Variants in CNBD1 observed in about 807,000 individuals in gnomAD.
The protein encoded by CNBD1 is cyclic nucleotide-binding domain-containing protein 1.
A neutral mutation model predicts 54.4 loss-of-function variants in CNBD1; 71 were observed. The ratio of observed to expected loss-of-function variants is 1.30; its 90% CI spans 1.08 to 1.59. CNBD1 has a LOEUF of 1.59. CNBD1 is among the 40% of genes most tolerant of loss of function. The pLI is 0.00. For synonymous variants in CNBD1, 182 were observed against 170.7 expected (o/e 1.07, Z -0.51); for missense variants, 659 against 518.0 (o/e 1.27, Z -2.64).
chr8:87,088,424 T>C (rs947682451), intron 4 of CNBD1, among the ~76,000 whole-genome samples: 5 of 152,208 alleles, frequency 3.3e-5, no homozygotes, highest in Non-Finnish European at 7.3e-5. Context: ...TTCAGGATAA[T>C]ATAAAAAGAG....
chr8:87,290,542 C>T (rs1378027886), intron 8 of CNBD1, among the ~76,000 whole-genome samples: 1 of 152,164 alleles, frequency 6.6e-6, no homozygotes, highest in Non-Finnish European at 1.5e-5. Context: ...TACAATTACA[C>T]ATTTACCTTT....
intron 8 of CNBD1, among the ~76,000 whole-genome samples, chr8:87,336,402 C>T (rs748420296): frequency 6.6e-6 from 1 of 151,958 alleles, no homozygotes; most frequent in Non-Finnish European, 1.5e-5. Context: ...TTCCTTTTCC[C>T]CTTTTTTCCT....
chr8:87,269,450 C>T (rs544552379), intron 6 of CNBD1, among the ~76,000 whole-genome samples: 1 of 152,076 alleles, frequency 6.6e-6, no homozygotes, highest in Non-Finnish European at 1.5e-5. Context: ...TTTTCTAATT[C>T]TGTGAAAAAA....
At chr8:86,982,128 T>G (rs938800429) in intron 4 of CNBD1, among the ~76,000 whole-genome samples, 2 of 152,200 alleles carry the variant, frequency 1.3e-5, no homozygotes, top group Non-Finnish European at 2.9e-5. Flanking sequence ...TATTTTACTA[T>G]GGATTTAATT....
rs562925911 is a variant in CNBD1 at position 87,369,759 on chromosome 8, G to A, written c.1304-12861G>A. Among the ~76,000 whole-genome samples, 63 of 151,700 alleles carry A rather than the reference G, an allele frequency of 4.2e-4. 1 individual carries two copies. The highest frequency in any genetic ancestry group is 6.8e-4 in the Non-Finnish European group (46 of 67,946). On this transcript the variant is annotated intron_variant, in intron 10 of 10. Transcript: ENST00000518476. ...TTATTATTATACTTTAAGTTTTAGG[G>A]TACATGTGCACAATGTGCCGGTTAG...
chr8:87,119,252 A>G lies in CNBD1; in HGVS notation c.432-86741A>G, dbSNP rs34140921. ...TTTCTGTTTCTTTGTGTCACCTTCAATTTCTTTCATCACTTTTCTGTAGTT... is the reference window on the plus strand; with the variant it reads ...TTTCTGTTTCTTTGTGTCACCTTCAGTTTCTTTCATCACTTTTCTGTAGTT... On this transcript the variant is annotated intron_variant, in intron 4 of 10. Coordinates refer to ENST00000518476, the MANE Select transcript of CNBD1 (RefSeq NM_173538.3). Among the ~76,000 whole-genome samples, 1,252 of 150,790 alleles carry G rather than the reference A, an allele frequency of 8.3e-3. 23 individuals are homozygous for G. The highest frequency in any genetic ancestry group is 0.029 in the African/African-American group (1,189 of 41,096).
intron 3 of CNBD1, among the ~76,000 whole-genome samples, chr8:86,922,357 C>T (rs960479503): frequency 6.6e-6 from 1 of 151,910 alleles, no homozygotes; most frequent in African/African-American, 2.4e-5. Flanking sequence ...ATAAAAAAGG[C>T]AAGGCGAGGG....
chr8:86,967,333 G>C (rs1808105250), intron 4 of CNBD1, among the ~76,000 whole-genome samples: 1 of 152,260 alleles, frequency 6.6e-6, no homozygotes, highest in African/African-American at 2.4e-5. Context: ...CACAGCTGCA[G>C]TTTGGATGGC....
chr8:87,379,310 TA>T (rs1563578100), intron 10 of CNBD1, among the ~76,000 whole-genome samples: 1 of 151,866 alleles, frequency 6.6e-6, no homozygotes, highest in African/African-American at 2.4e-5. Context: ...CTGTCAACAT[TA>T]GACAGATCAA....
chr8:86,943,923 A>G (rs1286743665), intron 4 of CNBD1, among the ~76,000 whole-genome samples: 1 of 152,114 alleles, frequency 6.6e-6, no homozygotes, highest in Non-Finnish European at 1.5e-5. Context: ...AGTCTCTTCA[A>G]GGTACAACAC....
At chr8:87,143,597 T>C (rs1389927931) in intron 4 of CNBD1, among the ~76,000 whole-genome samples, 1 of 152,194 alleles carries the variant, frequency 6.6e-6, no homozygotes, top group Non-Finnish European at 1.5e-5. Flanking sequence ...TGATTCTTTC[T>C]GATGAATATA....
At chr8:87,096,398 C>T (rs1811321857) in intron 4 of CNBD1, among the ~76,000 whole-genome samples, 1 of 150,838 alleles carries the variant, frequency 6.6e-6, no homozygotes, top group South Asian at 2.1e-4. Flanking sequence ...ATTAGCACCA[C>T]CCCCAACCTT....
chr8:87,247,311 G>A (rs1453731089), intron 6 of CNBD1, among the ~76,000 whole-genome samples: 1 of 152,164 alleles, frequency 6.6e-6, no homozygotes, highest in Non-Finnish European at 1.5e-5. Context: ...TTCTGGTTTG[G>A]AAGTAATGCT....
At chr8:86,955,217 TAATCCAG>T (rs1444406522) in intron 4 of CNBD1, among the ~76,000 whole-genome samples, 1 of 152,212 alleles carries the variant, frequency 6.6e-6, no homozygotes, top group African/African-American at 2.4e-5. Context: ...TACATTTTCT[TAATCCAG>T]TATATCATTG....
At position 87,396,959 on chromosome 8, in the gene CNBD1, C is replaced by A. The variant is rs1411890925; in HGVS notation, c.214-31587C>A. On this transcript the variant is annotated intron_variant, in intron 2 of 7. Coordinates refer to the CNBD1 transcript ENST00000521593. The stretch of plus-strand genomic sequence containing the variant: ...CTTTTCATGTAATTCATGGATTAAT[C>A]CCTCCTTCAATGAATCACGTATAAC... 4.0e-5 allele frequency among the ~76,000 whole-genome samples: 6 copies of A among 148,588 alleles called. No individual in the cohort carries two copies. The Admixed American group carries it at 4.0e-4, about 10-fold the overall frequency.
intron 4 of CNBD1, among the ~76,000 whole-genome samples, chr8:87,149,396 T>G (rs1812554907): frequency 6.6e-6 from 1 of 152,148 alleles, no homozygotes; most frequent in Admixed American, 6.5e-5. Context: ...TGTCACGTGA[T>G]TGGAAGTGGT....
chr8:86,987,743 T>C (rs547501503), intron 4 of CNBD1, among the ~76,000 whole-genome samples: 62 of 152,136 alleles, frequency 4.1e-4, no homozygotes, highest in Non-Finnish European at 7.2e-4. Context: ...AGCTTTTCTG[T>C]GTCTATTGAG....
chr8:87,043,383 A>G (rs1415725507), intron 4 of CNBD1, among the ~76,000 whole-genome samples: 1 of 152,184 alleles, frequency 6.6e-6, no homozygotes, highest in African/African-American at 2.4e-5. Context: ...ATTATTCACA[A>G]TAATTTTGGT....
chr8:87,127,050 T>C (rs1382732191), intron 4 of CNBD1, among the ~76,000 whole-genome samples: 1 of 151,776 alleles, frequency 6.6e-6, no homozygotes, highest in Non-Finnish European at 1.5e-5. Flanking sequence ...ACAACAAGAC[T>C]ACACTGGCTT....
Sources: allele counts gnomAD v4.1 joint callset (sites outside exome capture counted in the v4.1 genomes callset), GRCh38; gene constraint gnomAD v4.1.1; transcripts MANE v1.5; gene names NCBI Gene and HGNC (gene_info 2026-07-23, HGNC 2026-07-21).